The following SPATS1 variants were observed in gnomAD, a reference collection of about 807,000 sequenced individuals.
SPATS1 encodes spermatogenesis-associated serine-rich protein 1.
In SPATS1, 23 loss-of-function variants were observed where a neutral mutation model predicts 33.6. The observed-to-expected ratio is 0.68, with a 90% confidence interval of 0.49 to 0.97. The LOEUF is 0.97. SPATS1 is among the 50% of genes least tolerant of loss of function. The probability of loss-of-function intolerance (pLI) is 0.00; values close to 1 mark genes in which losing one functional copy is unlikely to be tolerated. For synonymous variants in SPATS1, 131 were observed against 125.6 expected, an observed-to-expected ratio of 1.04 and a Z score of -0.29; for missense variants, 327 against 361.0, an observed-to-expected ratio of 0.91 and a Z score of 0.76.
chr6:44,368,520 G>A lies in SPATS1; in HGVS notation c.695+21G>A, dbSNP rs765625005. 4.4e-6 allele frequency: 7 copies of A among 1,597,484 alleles called. No homozygotes were observed. In the East Asian group the frequency reaches 1.1e-4, roughly 26 times the overall value. ...TCAATGTAAGTGTATGTTAATACTA[G>A]CATTATATAGTTAACTTTAAAGGAA... is the stretch of plus-strand genomic sequence containing the variant. On this transcript the variant is annotated intron_variant, in intron 6 of 8. Transcript: ENST00000674044.
At chr6:44,357,654 T>C (rs1157186629) in intron 3 of SPATS1, among the ~76,000 whole-genome samples, 1 of 152,194 alleles carries the variant, frequency 6.6e-6, no homozygotes, top group Admixed American at 6.5e-5. Flanking sequence ...AGTGTTGGGA[T>C]TACAGGCATG....
intron 6 of SPATS1, among the ~76,000 whole-genome samples, chr6:44,369,198 T>TA (rs1561960116): frequency 2.6e-5 from 4 of 152,080 alleles, no homozygotes; most frequent in African/African-American, 4.8e-5. Context: ...AATATTATTT[T>TA]AAAAAATTAA....
intron 5 of SPATS1, among the ~76,000 whole-genome samples, chr6:44,365,780 G>T (rs1270557317): frequency 7.2e-5 from 11 of 152,132 alleles, no homozygotes; most frequent in Admixed American, 7.2e-4. Context: ...CTAAATGTAT[G>T]TTTCCCATTT....
intron 6 of SPATS1, 130 bp from the exon 7 acceptor site, chr6:44,369,921 C>T: frequency 2.1e-6 from 1 of 481,490 alleles, no homozygotes; most frequent in South Asian, 4.7e-5. Flanking sequence ...ATCTGCGGTT[C>T]TTACAGTTTT....
intron 7 of SPATS1, among the ~76,000 whole-genome samples, chr6:44,375,375 C>G (rs1349511802): frequency 2.0e-5 from 3 of 152,194 alleles, no homozygotes; most frequent in African/African-American, 7.2e-5. Flanking sequence ...GGGAGAAGGG[C>G]TGCCCAACAG....
chr6:44,369,089 G>A (rs1246470341), intron 6 of SPATS1, among the ~76,000 whole-genome samples: 5 of 151,754 alleles, frequency 3.3e-5, no homozygotes, highest in Admixed American at 6.6e-5. Flanking sequence ...GTAGAGACGG[G>A]GTTTCACCAT....
intron 2 of SPATS1, 77 bp downstream of exon 2, chr6:44,343,311 G>C (rs763805462): frequency 7.1e-6 from 11 of 1,540,742 alleles, no homozygotes; most frequent in South Asian, 2.2e-5. Context: ...GGGGGCAGGT[G>C]GGGGGCACCA....
At chr6:44,354,968 C>A (rs908078569) in intron 3 of SPATS1, among the ~76,000 whole-genome samples, 1 of 152,116 alleles carries the variant, frequency 6.6e-6, no homozygotes, top group South Asian at 2.1e-4. Context: ...ATGTGTGCAA[C>A]CATGCCCAAC....
At chr6:44,369,034 C>A (rs1384996020) in intron 6 of SPATS1, among the ~76,000 whole-genome samples, 1 of 151,770 alleles carries the variant, frequency 6.6e-6, no homozygotes, top group Non-Finnish European at 1.5e-5. Flanking sequence ...GTAGCTGGGA[C>A]TACAGGTGCC....
At chr6:44,355,183 C>T (rs1161189221) in intron 3 of SPATS1, among the ~76,000 whole-genome samples, 1 of 152,030 alleles carries the variant, frequency 6.6e-6, no homozygotes, top group Non-Finnish European at 1.5e-5. Context: ...CCTCCCACCC[C>T]CTGGCAACCG....
At chr6:44,357,110 T>G (rs1788634892) in intron 3 of SPATS1, among the ~76,000 whole-genome samples, 1 of 152,164 alleles carries the variant, frequency 6.6e-6, no homozygotes, top group Admixed American at 6.5e-5. Context: ...GAACTGCAAG[T>G]CCTCCAGATC....
intron 7 of SPATS1, among the ~76,000 whole-genome samples, chr6:44,375,342 AG>A (rs1454525352): frequency 6.6e-6 from 1 of 152,224 alleles, no homozygotes; most frequent in Non-Finnish European, 1.5e-5. Flanking sequence ...CACAGTTTGC[AG>A]AACAGTAAGC....
chr6:44,375,895 C>A (rs1421732469), intron 7 of SPATS1, among the ~76,000 whole-genome samples: 4 of 151,820 alleles, frequency 2.6e-5, no homozygotes, highest in African/African-American at 9.7e-5. Flanking sequence ...CACCTTAGGT[C>A]GGAAATTCGA....
chr6:44,362,017 C>G (rs1309069518), intron 5 of SPATS1, 25 bp downstream of exon 5: 1 of 1,613,796 alleles, frequency 6.2e-7, no homozygotes, highest in Admixed American at 1.7e-5. Flanking sequence ...TGGGTCTTGA[C>G]TGTGCAGTCC....
intron 3 of SPATS1, 37 bp downstream of exon 3, chr6:44,352,910 G>A: frequency 6.2e-7 from 1 of 1,601,886 alleles, no homozygotes; most frequent in Non-Finnish European, 8.5e-7. Context: ...TCACGGTTGG[G>A]GAGATTCTGA....
intron 2 of SPATS1, among the ~76,000 whole-genome samples, chr6:44,346,951 A>G (rs943958379): frequency 1.3e-5 from 2 of 152,240 alleles, no homozygotes; most frequent in Admixed American, 1.3e-4. Flanking sequence ...CACTGTTCAC[A>G]TAGCAAAGAC....
rs199846439 is a variant in SPATS1 at position 44,364,723 on chromosome 6, TTTTC to T, written c.574+2743_574+2746del. Among the ~76,000 whole-genome samples, 1,248 of 151,540 alleles carry T rather than the reference TTTTC, an allele frequency of 8.2e-3. 18 individuals carry two copies. The highest frequency in any genetic ancestry group is 0.029 in the African/African-American group (1,180 of 40,998). On this transcript the variant is annotated intron_variant, in intron 5 of 8. Transcript: ENST00000674044. Reference sequence around the variant, plus strand: ...AAATTCTCTCCCCACTCTTTCTTTCTTTTCTTTCTTTCTTTTTTTCTTTCTGTCT... The same window carrying T: ...AAATTCTCTCCCCACTCTTTCTTTCTTTTCTTTCTTTTTTTCTTTCTGTCT...
In SPATS1 at chr6:44,361,699, C is replaced by T. The variant is rs878876657; in HGVS notation, c.413-132C>T. ...GTTTCACACTGTCTCTGATGTAGAA[C>T]CAAGGGATTATACACATTAATTAAA... On this transcript the variant is annotated intron_variant, in intron 4 of 8. Coordinates refer to ENST00000674044, the MANE Select transcript of SPATS1 (RefSeq NM_001372081.1). 2.4e-4 allele frequency: 307 copies of T among 1,298,260 alleles called. 4 individuals carry two copies. The South Asian group carries it at 2.6e-3, about 11-fold the overall frequency. The allele number at this position is 1,298,260 out of a possible 1,614,324, so 80.4% of individuals were successfully genotyped here.
intron 2 of SPATS1, among the ~76,000 whole-genome samples, chr6:44,345,029 G>A (rs546518720): frequency 4.6e-5 from 7 of 152,228 alleles, no homozygotes; most frequent in South Asian, 2.1e-4. Context: ...GGAGCTGGGC[G>A]TGGAGAAGTA....
Sources: gnomAD v4.1 joint callset for allele counts (sites outside exome capture counted in the v4.1 genomes callset) on GRCh38, gnomAD v4.1.1 for gene constraint, MANE v1.5 for transcripts, NCBI Gene and HGNC (gene_info 2026-07-23, HGNC 2026-07-21) for gene names.